The following WDFY3 variants were observed in gnomAD, a reference collection of about 807,000 sequenced individuals.
WDFY3 encodes the protein WD repeat and FYVE domain-containing protein 3.
A neutral mutation model predicts 409.6 loss-of-function variants in WDFY3; 66 were observed. The ratio of observed to expected loss-of-function variants is 0.16; its 90% CI spans 0.13 to 0.20. The LOEUF (loss-of-function observed/expected upper bound fraction) is 0.20, where lower values mean the gene tolerates loss of function less well. Among genes scored for constraint, WDFY3 ranks in the 10% least tolerant of loss-of-function variants. The pLI, the probability that WDFY3 is intolerant of heterozygous loss-of-function variation, is 1.00. For missense variants in WDFY3, 3,031 were observed against 4,298.1 expected (o/e 0.71, Z 8.24); for synonymous variants, 1,521 against 1,537.1 (o/e 0.99, Z 0.25).
intron 50 of WDFY3, among the ~76,000 whole-genome samples, chr4:84,713,846 T>C (rs1015980481): frequency 2.0e-5 from 3 of 152,104 alleles, no homozygotes; most frequent in African/African-American, 7.2e-5. Context: ...AGGCTGTGTG[T>C]GGTGGCTCAC....
At chr4:84,853,978 G>C (rs1361416309) in intron 4 of WDFY3, among the ~76,000 whole-genome samples, 1 of 152,136 alleles carries the variant, frequency 6.6e-6, no homozygotes, top group Admixed American at 6.5e-5. Flanking sequence ...TGAAACACAG[G>C]ACATTTTAGC....
rs536905428 is a variant in WDFY3, at chr4:84,755,928, G to T, written c.5425-528C>A. ...TGCATAACCAATACAACTGTGCTAG[G>T]CATGAATCTGTATCTTAATTTAATC... On this transcript the variant is annotated intron_variant, in intron 33 of 67. Coordinates refer to ENST00000295888, the MANE Select transcript of WDFY3 (RefSeq NM_014991.6). 6.6e-5 allele frequency among the ~76,000 whole-genome samples: 10 copies of T among 152,240 alleles called. No individual in the cohort carries two copies. The South Asian group carries it at 1.9e-3, about 28-fold the overall frequency.
intron 62 of WDFY3, among the ~76,000 whole-genome samples, chr4:84,687,193 G>C (rs1191754782): frequency 6.6e-6 from 1 of 151,952 alleles, no homozygotes; most frequent in Admixed American, 6.6e-5. Context: ...GTCCAGGCTG[G>C]AGTGCAGTGG....
intron 2 of WDFY3, among the ~76,000 whole-genome samples, chr4:84,913,236 G>A (rs939419507): frequency 2.0e-5 from 3 of 152,104 alleles, no homozygotes; most frequent in African/African-American, 7.2e-5. Flanking sequence ...ACCTATTGAA[G>A]AGAACCCTGA....
chr4:84,740,542 G>A, intron 38 of WDFY3, 126 bp from the exon 39 acceptor site: 1 of 831,472 alleles, frequency 1.2e-6, no homozygotes, highest in South Asian at 1.7e-5. Context: ...CAGGTGCTAA[G>A]TTAAAAGATA....
intron 4 of WDFY3, among the ~76,000 whole-genome samples, chr4:84,855,904 C>T (rs1008446819): frequency 1.3e-5 from 2 of 152,148 alleles, no homozygotes; most frequent in South Asian, 2.1e-4. Flanking sequence ...CCTCTCCTTC[C>T]GGGCTTTGCC....
At chr4:84,828,629 G>A (rs1308235960) in intron 9 of WDFY3, among the ~76,000 whole-genome samples, 3 of 152,212 alleles carry the variant, frequency 2.0e-5, no homozygotes, top group African/African-American at 4.8e-5. Flanking sequence ...TAGGCCAGGT[G>A]TGGTGGCTCA....
chr4:84,685,267 G>T (rs1181332444), intron 62 of WDFY3, among the ~76,000 whole-genome samples: 1 of 152,222 alleles, frequency 6.6e-6, no homozygotes, highest in African/African-American at 2.4e-5. Context: ...TAAGGTGGAG[G>T]AGGCTGGGGT....
chr4:84,873,204 G>T (rs939417291), intron 3 of WDFY3, among the ~76,000 whole-genome samples: 2 of 152,142 alleles, frequency 1.3e-5, no homozygotes, highest in African/African-American at 4.8e-5. Flanking sequence ...TAGGATACTT[G>T]ATCCAACAAC....
At chr4:84,887,023 T>C (rs2150464355) in intron 3 of WDFY3, among the ~76,000 whole-genome samples, 1 of 152,306 alleles carries the variant, frequency 6.6e-6, no homozygotes, top group East Asian at 1.9e-4. Context: ...TCAACCATTA[T>C]GCTGAGTAGG....
intron 21 of WDFY3, among the ~76,000 whole-genome samples, chr4:84,792,634 T>A (rs1014592230): frequency 1.3e-5 from 2 of 152,208 alleles, no homozygotes; most frequent in African/African-American, 4.8e-5. Context: ...ATGCATATGT[T>A]ACCGTCATTT....
Position 84,753,894 on chromosome 4 carries a change from G to A in WDFY3, c.5560-18C>T, listed in dbSNP as rs1485642988. ...TGCCAAGGCTGTTATGGGGACATGAGAGGAAACACTATGTTACAGTTATTG... is the reference window on the plus strand; with the variant it reads ...TGCCAAGGCTGTTATGGGGACATGAAAGGAAACACTATGTTACAGTTATTG... On this transcript the variant is annotated intron_variant, in intron 34 of 67. Coordinates refer to ENST00000295888, the MANE Select transcript of WDFY3 (RefSeq NM_014991.6). 1 of 1,558,694 alleles carries A rather than the reference G, an allele frequency of 6.4e-7. No homozygotes were observed. The highest frequency in any genetic ancestry group is 8.6e-7 in the Non-Finnish European group (1 of 1,157,184).
At chr4:84,803,200 C>G (rs985629342) in intron 16 of WDFY3, 90 bp downstream of exon 16, 2 of 1,341,908 alleles carry the variant, frequency 1.5e-6, no homozygotes, top group African/African-American at 3.0e-5. Context: ...TATTAACTTT[C>G]TTCCTCAACC....
chr4:84,755,360 G>A lies in WDFY3; in HGVS notation c.5465C>T (p.Pro1822Leu). 6.2e-7 allele frequency: 1 copy of A among 1,611,458 alleles called. No homozygotes were observed. Among genetic ancestry groups the A allele is most frequent in the Non-Finnish European group, 8.5e-7 (1 of 1,179,428 alleles). ...AGAGACCACAGTTCCGCTGGAGGCA[G>A]GAACTCCAAAGATGAATGTCCAAAT... is the stretch of plus-strand genomic sequence containing the variant. ...DSIWTFIFGV[P>L]ASSGTVVSSI... Residue 1822 changes from proline to leucine, a missense_variant, in exon 34 of 68, where the codon CCT (proline) becomes CTT (leucine). Coordinates refer to ENST00000295888, the MANE Select transcript of WDFY3 (RefSeq NM_014991.6).
At chr4:84,836,735 A>G (rs1420502365) in intron 7 of WDFY3, among the ~76,000 whole-genome samples, 194 bp downstream of exon 7, 3 of 152,204 alleles carry the variant, frequency 2.0e-5, no homozygotes. Flanking sequence ...GCCTCACTCA[A>G]ATATTCCTGA....
intron 7 of WDFY3, among the ~76,000 whole-genome samples, chr4:84,835,415 CAGAT>C (rs1467770327): frequency 6.6e-6 from 1 of 152,178 alleles, no homozygotes. Context: ...ATTCAGGAAT[CAGAT>C]AGATCTGAGT....
At chr4:84,686,231 G>C (rs1002574548) in intron 62 of WDFY3, among the ~76,000 whole-genome samples, 1 of 152,062 alleles carries the variant, frequency 6.6e-6, no homozygotes, top group African/African-American at 2.4e-5. Flanking sequence ...GCGTGAACCC[G>C]GGAGGTGGAG....
intron 3 of WDFY3, 105 bp downstream of exon 3, chr4:84,896,806 A>G (rs1332581874): frequency 3.9e-5 from 6 of 152,194 alleles, no homozygotes; most frequent in Admixed American, 3.9e-4. Context: ...AAGTCAATAT[A>G]AAAAGTCCTG....
chr4:84,881,000 G>C (rs1024343965), intron 3 of WDFY3, among the ~76,000 whole-genome samples: 1 of 151,782 alleles, frequency 6.6e-6, no homozygotes, highest in Non-Finnish European at 1.5e-5. Context: ...TGGGATTACA[G>C]GTACGACCCA....
Sources: allele counts gnomAD v4.1 joint callset (sites outside exome capture counted in the v4.1 genomes callset), GRCh38; gene constraint gnomAD v4.1.1; transcripts MANE v1.5; gene names NCBI Gene and HGNC (gene_info 2026-07-23, HGNC 2026-07-21).